Variants in SIPA1L3 observed in about 807,000 individuals in gnomAD.
SIPA1L3 encodes signal-induced proliferation-associated 1-like protein 3.
A neutral mutation model predicts 150.1 loss-of-function variants in SIPA1L3; 59 were observed. That is an observed-to-expected ratio of 0.39 (90% CI 0.32 to 0.49). The LOEUF is 0.49. Among genes scored for constraint, SIPA1L3 ranks in the 20% least tolerant of loss-of-function variants. The pLI, the probability that SIPA1L3 is intolerant of heterozygous loss-of-function variation, is 0.86. For missense variants in SIPA1L3, 2,211 were observed against 2,489.5 expected (o/e 0.89, Z 2.38); for synonymous variants, 1,070 against 1,077.6 (o/e 0.99, Z 0.14).
chr19:38,152,924 C>T lies in SIPA1L3; in HGVS notation c.3618C>T (p.Gly1206=), dbSNP rs1971859977. The part of the protein sequence containing the change: ...DGTSSGDSSS[G]GLTSQESTME... Reference sequence around the variant, plus strand: ...CGTCCAGCGGCGACTCCTCTTCCGGCGGCCTGACCAGCCAGGAGAGCACCA... The same window carrying T: ...CGTCCAGCGGCGACTCCTCTTCCGGTGGCCTGACCAGCCAGGAGAGCACCA... Residue 1206 remains glycine, a synonymous_variant, in exon 13 of 22, where the codon GGC becomes GGT. Coordinates refer to ENST00000222345, the MANE Select transcript of SIPA1L3 (RefSeq NM_015073.3). 7 of 1,613,600 alleles carry T rather than the reference C, an allele frequency of 4.3e-6. No individual in the cohort carries two copies. The highest frequency in any genetic ancestry group is 1.7e-5 in the Admixed American group (1 of 59,944).
chr19:37,923,601 C>G (rs1016731302), intron 1 of SIPA1L3, among the ~76,000 whole-genome samples: 9 of 152,112 alleles, frequency 5.9e-5, no homozygotes, highest in Non-Finnish European at 1.2e-4. Context: ...GATGGGAAAG[C>G]TAGGACAGTA....
chr19:37,941,071 T>TACACACACACACACATAC (rs1372476302), intron 1 of SIPA1L3, among the ~76,000 whole-genome samples: 1 of 133,086 alleles, frequency 7.5e-6, no homozygotes, highest in South Asian at 2.5e-4. Flanking sequence ...GTTTGAGATG[T>TACACACACACACACATAC]ACACACACAC....
intron 2 of SIPA1L3, among the ~76,000 whole-genome samples, chr19:38,031,774 G>A (rs1358788173): frequency 6.6e-6 from 1 of 152,114 alleles, no homozygotes; most frequent in Non-Finnish European, 1.5e-5. Flanking sequence ...TGAGACCCTA[G>A]CTCTAAAAAA....
At chr19:37,958,294 G>A (rs1340353380) in intron 1 of SIPA1L3, among the ~76,000 whole-genome samples, 1 of 152,070 alleles carries the variant, frequency 6.6e-6, no homozygotes, top group African/African-American at 2.4e-5. Context: ...GCATGGTGGT[G>A]TGCACCTGTA....
chr19:38,079,457 G>T (rs999728923), intron 2 of SIPA1L3, among the ~76,000 whole-genome samples: 1 of 152,168 alleles, frequency 6.6e-6, no homozygotes, highest in Non-Finnish European at 1.5e-5. Flanking sequence ...AAAATTGGAA[G>T]AAAGTAGAGT....
chr19:38,174,904 T>C (rs1357474694), intron 15 of SIPA1L3, among the ~76,000 whole-genome samples: 1 of 152,080 alleles, frequency 6.6e-6, no homozygotes, highest in Non-Finnish European at 1.5e-5. Context: ...AAAGCACTTA[T>C]CACAGGACTG....
intron 1 of SIPA1L3, among the ~76,000 whole-genome samples, chr19:37,998,506 G>C (rs1203375070): frequency 6.6e-6 from 1 of 152,238 alleles, no homozygotes; most frequent in Admixed American, 6.5e-5. Flanking sequence ...TTCAGGCCGG[G>C]TGTGGTGCCA....
At chr19:38,196,501 A>AGGAGGTCAAGGGAGGAGCAT in intron 18 of SIPA1L3, among the ~76,000 whole-genome samples, 1 of 144,346 alleles carries the variant, frequency 6.9e-6, no homozygotes, top group Non-Finnish European at 1.5e-5. Flanking sequence ...AGGCGGAGCA[A>AGGAGGTCAAGGGAGGAGCAT]GGAGGTCAAG....
chr19:37,999,804 C>T (rs892025900), intron 1 of SIPA1L3, among the ~76,000 whole-genome samples: 1 of 152,166 alleles, frequency 6.6e-6, no homozygotes, highest in Non-Finnish European at 1.5e-5. Context: ...TATGAAAAAT[C>T]ATGACAAACC....
chr19:38,110,136 G>T (rs1279958451), intron 7 of SIPA1L3, 91 bp from the exon 8 acceptor site: 7 of 1,274,960 alleles, frequency 5.5e-6, no homozygotes, highest in African/African-American at 2.9e-5. Context: ...GGGAATGGGG[G>T]TGGGTGGGGG....
chr19:38,030,434 C>A (rs1465437853), intron 2 of SIPA1L3, among the ~76,000 whole-genome samples: 1 of 151,886 alleles, frequency 6.6e-6, no homozygotes, highest in Non-Finnish European at 1.5e-5. Flanking sequence ...TGGTGATGCA[C>A]ACTTGTAGTT....
chr19:38,170,487 TGAACA>T (rs1365626618), intron 15 of SIPA1L3, among the ~76,000 whole-genome samples: 4 of 152,130 alleles, frequency 2.6e-5, no homozygotes, highest in Non-Finnish European at 5.9e-5. Flanking sequence ...CAGGCACCTT[TGAACA>T]GGCCCAGCAT....
intron 2 of SIPA1L3, among the ~76,000 whole-genome samples, chr19:38,062,820 C>T (rs1006249666): frequency 6.6e-6 from 1 of 152,080 alleles, no homozygotes; most frequent in African/African-American, 2.4e-5. Context: ...AGAGTTTCAC[C>T]ATGTTGGTCA....
rs78635788 is a variant in SIPA1L3 at position 37,983,395 on chromosome 19, C to A, written c.-378-45694C>A. 2.2e-3 allele frequency among the ~76,000 whole-genome samples: 337 copies of A among 152,234 alleles called. 1 individual carries two copies. The highest frequency in any genetic ancestry group is 7.7e-3 in the African/African-American group (321 of 41,520). On this transcript the variant is annotated intron_variant, in intron 1 of 21. Coordinates refer to ENST00000222345, the MANE Select transcript of SIPA1L3 (RefSeq NM_015073.3). Reference sequence around the variant, plus strand: ...TAAGTGGGATAATAGTAGGACCTGCCCCACGGAGCAGTTGTGAAGGTTACG... The same window carrying A: ...TAAGTGGGATAATAGTAGGACCTGCACCACGGAGCAGTTGTGAAGGTTACG...
intron 1 of SIPA1L3, among the ~76,000 whole-genome samples, chr19:37,972,307 T>C (rs1338371442): frequency 6.6e-6 from 1 of 152,062 alleles, no homozygotes; most frequent in Non-Finnish European, 1.5e-5. Context: ...GTTTTTGAAA[T>C]ACGAAGATAA....
intron 2 of SIPA1L3, among the ~76,000 whole-genome samples, chr19:38,074,361 G>T (rs113613879): frequency 7.9e-5 from 12 of 152,250 alleles, no homozygotes; most frequent in African/African-American, 2.9e-4. Flanking sequence ...CTGTCGGGAG[G>T]TGCTTGCATA....
chr19:38,098,379 G>A (rs1172215898), intron 4 of SIPA1L3, among the ~76,000 whole-genome samples: 1 of 150,534 alleles, frequency 6.6e-6, no homozygotes, highest in Non-Finnish European at 1.5e-5. Context: ...TGGGCAGGTG[G>A]AAAGGGGCTT....
chr19:38,097,671 C>G (rs1970410162), intron 4 of SIPA1L3, among the ~76,000 whole-genome samples: 1 of 152,220 alleles, frequency 6.6e-6, no homozygotes. Context: ...ATTCTTCTGC[C>G]TCAGCCTCCC....
At position 37,927,654 on chromosome 19, in the gene SIPA1L3, GGTGTGTGTGTGTGTGTGT is replaced by G. The variant is rs57987208; in HGVS notation, c.-379+20317_-379+20334del. Reference sequence around the variant, plus strand: ...GCTCCCACTTAGAATAAGAACATGGGGTGTGTGTGTGTGTGTGTGTGTGTGTGTGTGTGTGTGTATGCA... The same window carrying G: ...GCTCCCACTTAGAATAAGAACATGGGGTGTGTGTGTGTGTGTGTGTATGCA... On this transcript the variant is annotated intron_variant, in intron 1 of 21. Coordinates refer to ENST00000222345, the MANE Select transcript of SIPA1L3 (RefSeq NM_015073.3). Among the ~76,000 whole-genome samples the G allele has an allele frequency of 1.1e-3, 156 of 136,836 alleles. 1 individual carries two copies. Among genetic ancestry groups the G allele is most frequent in the African/African-American group, 3.8e-3 (136 of 36,190 alleles). 89.8% of individuals were successfully genotyped at this position (136,836 alleles called of 152,430 possible).
Sources: allele counts gnomAD v4.1 joint callset (sites outside exome capture counted in the v4.1 genomes callset), GRCh38; gene constraint gnomAD v4.1.1; transcripts MANE v1.5; gene names NCBI Gene and HGNC (gene_info 2026-07-23, HGNC 2026-07-21).